KAT6A: variants seen among roughly 807,000 people sequenced by gnomAD.
KAT6A encodes histone acetyltransferase KAT6A.
A neutral mutation model predicts 198.4 loss-of-function variants in KAT6A; 9 were observed. The observed-to-expected ratio is 0.05, with a 90% CI of 0.03 to 0.08. KAT6A has a LOEUF of 0.08. KAT6A is among the 10% of genes least tolerant of loss of function. The pLI, the probability that KAT6A is intolerant of heterozygous loss-of-function variation, is 1.00. For missense variants in KAT6A, 2,077 were observed against 2,509.9 expected (o/e 0.83, Z 3.69); for synonymous variants, 890 against 883.0 (o/e 1.01, Z -0.14).
intron 2 of KAT6A, among the ~76,000 whole-genome samples, chr8:42,033,266 C>T (rs1440622655): frequency 6.6e-6 from 1 of 152,092 alleles, no homozygotes; most frequent in Non-Finnish European, 1.5e-5. Flanking sequence ...TCAGACAAAA[C>T]AAATCCTTTT....
intron 1 of KAT6A, among the ~76,000 whole-genome samples, chr8:42,051,670 G>A (rs1027912098): frequency 6.9e-6 from 1 of 145,570 alleles, no homozygotes; most frequent in African/African-American, 2.5e-5. Flanking sequence ...GCGGGCCGGG[G>A]CAGCCGGGCG....
chr8:41,979,574 T>C (rs1824244312), intron 5 of KAT6A, among the ~76,000 whole-genome samples: 1 of 151,500 alleles, frequency 6.6e-6, no homozygotes, highest in African/African-American at 2.4e-5. Context: ...CAGAGTGAGA[T>C]TCCAACTCCA....
At chr8:42,010,103 A>C (rs1825954947) in intron 2 of KAT6A, among the ~76,000 whole-genome samples, 1 of 152,044 alleles carries the variant, frequency 6.6e-6, no homozygotes. Context: ...TCAGGAGTTC[A>C]AGACCAGTCT....
chr8:42,024,967 G>C (rs1826728731), intron 2 of KAT6A, among the ~76,000 whole-genome samples: 1 of 152,078 alleles, frequency 6.6e-6, no homozygotes, highest in Admixed American at 6.6e-5. Flanking sequence ...ACACCTAATA[G>C]TGGAACTGCT....
intron 2 of KAT6A, among the ~76,000 whole-genome samples, chr8:42,031,046 G>GC (rs1417690183): frequency 7.6e-6 from 1 of 131,532 alleles, no homozygotes; most frequent in East Asian, 2.6e-4. Context: ...AAAGGGGGGG[G>GC]GGACAGGAGA....
In KAT6A at chr8:41,929,680, T is replaced by C. The variant is rs1360266846; in HGVS notation, c.*2525A>G. On this transcript the variant is annotated 3_prime_UTR_variant, in exon 17 of 17. Coordinates refer to ENST00000265713, the MANE Select transcript of KAT6A (RefSeq NM_006766.5). Reference sequence around the variant, plus strand: ...AGCTTACAAGTCACCATGAACAAAGTACAAAGAGGTTACAAAACAGGAAAA... The same window carrying C: ...AGCTTACAAGTCACCATGAACAAAGCACAAAGAGGTTACAAAACAGGAAAA... The C allele has an allele frequency of 5.2e-6, 1 of 193,782 alleles. No individual in the cohort carries two copies. The highest frequency in any genetic ancestry group is 1.1e-5 in the Non-Finnish European group (1 of 92,878). The allele number at this position is 193,782 out of a possible 1,614,324, so 12.0% of individuals were successfully genotyped here. A position where few individuals can be genotyped will look rare whatever the true frequency, so the allele number is the denominator to read the frequency against.
chr8:42,048,903 C>G lies in KAT6A; in HGVS notation c.75G>C (p.Gln25His). 1 of 1,614,120 alleles carries G rather than the reference C, an allele frequency of 6.2e-7. No individual in the cohort carries two copies. Among genetic ancestry groups the G allele is most frequent in the South Asian group, 1.1e-5 (1 of 91,084 alleles). The change falls in exon 2 of 17, where the codon CAG becomes CAC. Residue 25 changes from glutamine (Q) to histidine (H), a missense_variant. Gln to His is a conservative substitution (Grantham distance 24). Coordinates refer to ENST00000265713, the MANE Select transcript of KAT6A (RefSeq NM_006766.5). The stretch of plus-strand genomic sequence containing the variant: ...TGCATATCCTTTCTTCTGAAGGACG[C>G]TGTTTCTGCTTTTTCACTTTTTTGA... ...EAIKKVKKQK[Q>H]RPSEERICNA...
chr8:42,006,306 C>A (rs539557116), intron 2 of KAT6A, among the ~76,000 whole-genome samples: 18 of 152,212 alleles, frequency 1.2e-4, no homozygotes, highest in African/African-American at 4.3e-4. Flanking sequence ...AATATCAAAA[C>A]CAAAACTGTA....
intron 14 of KAT6A, chr8:41,942,148 AT>A: frequency 4.8e-6 from 1 of 206,932 alleles, no homozygotes; most frequent in East Asian, 7.4e-5. Context: ...ATGAAGAAAA[AT>A]ACTGACAATG....
At chr8:41,942,602 C>G in intron 14 of KAT6A, 191 bp downstream of exon 14, 1 of 646,674 alleles carries the variant, frequency 1.5e-6, no homozygotes, top group Non-Finnish European at 2.6e-6. Context: ...TCCTAATTGT[C>G]CAAGGCTTAA....
intron 2 of KAT6A, among the ~76,000 whole-genome samples, chr8:42,022,527 A>G (rs1265683664): frequency 6.6e-6 from 1 of 152,222 alleles, no homozygotes; most frequent in Non-Finnish European, 1.5e-5. Context: ...GAAAGCATGT[A>G]GTCAAAAGTG....
chr8:42,048,344 G>T, intron 2 of KAT6A, 34 bp downstream of exon 2: 1 of 1,599,750 alleles, frequency 6.3e-7, no homozygotes, highest in Non-Finnish European at 8.5e-7. Flanking sequence ...TATATCATCA[G>T]CTCTATAAAC....
intron 4 of KAT6A, among the ~76,000 whole-genome samples, chr8:41,981,447 C>T (rs1453993273): frequency 1.3e-5 from 2 of 152,152 alleles, no homozygotes; most frequent in East Asian, 3.8e-4. Context: ...ACTAAAGTTT[C>T]ATTAGTTTCA....
Position 41,934,327 on chromosome 8 carries a change from G to A in KAT6A, c.3893C>T (p.Pro1298Leu). Residue 1298 changes from proline to leucine, a missense_variant, in exon 17 of 17, where the codon CCA becomes CTA. Physicochemically the swap from Pro to Leu is moderately conservative, Grantham distance 98 (BLOSUM62 -3). Coordinates refer to ENST00000265713, the MANE Select transcript of KAT6A (RefSeq NM_006766.5). ...TGCAGCTGCATCTTCCTCCTCCTCT[G>A]GCTCTGGCTCCTCTAATTCCTGCTG... ...EEQQELEEPE[P>L]EEEEDAAAET... The A allele has an allele frequency of 1.2e-6, 2 of 1,613,808 alleles. No individual in the cohort carries two copies. Among genetic ancestry groups the A allele is most frequent in the Non-Finnish European group, 8.5e-7 (1 of 1,179,994 alleles).
At chr8:41,997,999 T>C (rs2150900491) in intron 2 of KAT6A, among the ~76,000 whole-genome samples, 1 of 152,126 alleles carries the variant, frequency 6.6e-6, no homozygotes, top group East Asian at 1.9e-4. Context: ...ACCAAAATGA[T>C]GCTCAATGAC....
At position 41,950,118 on chromosome 8, in the gene KAT6A, T is replaced by C. The variant is rs138836182; in HGVS notation, c.1599-755A>G. On this transcript the variant is annotated intron_variant, in intron 9 of 16. Transcript: ENST00000265713. ...AGCACTAAGTGAAACAAATAATGAC[T>C]GGCACTATAAATTAGAGTCAAGAAG... Among the ~76,000 whole-genome samples the C allele has an allele frequency of 3.3e-5, 5 of 152,312 alleles. No individual in the cohort carries two copies. The East Asian group carries it at 9.6e-4, about 29-fold the overall frequency.
chr8:42,039,431 A>G (rs1199393078), intron 2 of KAT6A, among the ~76,000 whole-genome samples: 2 of 152,256 alleles, frequency 1.3e-5, no homozygotes, highest in African/African-American at 4.8e-5. Context: ...TATGACAAAG[A>G]TATTTTCTCC....
intron 2 of KAT6A, among the ~76,000 whole-genome samples, chr8:41,995,461 C>A (rs1013176411): frequency 6.6e-6 from 1 of 152,120 alleles, no homozygotes; most frequent in Admixed American, 6.6e-5. Flanking sequence ...TTGAGGCAAA[C>A]ACAGGGTGGA....
chr8:42,031,435 A>AT (rs1827120036), intron 2 of KAT6A, among the ~76,000 whole-genome samples: 1 of 151,906 alleles, frequency 6.6e-6, no homozygotes, highest in Non-Finnish European at 1.5e-5. Context: ...GAGCTGAATA[A>AT]TTTTTTTAAT....
Sources: gnomAD v4.1 joint callset for allele counts (sites outside exome capture counted in the v4.1 genomes callset) on GRCh38, gnomAD v4.1.1 for gene constraint, MANE v1.5 for transcripts, NCBI Gene and HGNC (gene_info 2026-07-23, HGNC 2026-07-21) for gene names.